Variants in TMEM267 observed in about 807,000 individuals in gnomAD.
The protein encoded by TMEM267 is transmembrane protein 267.
In TMEM267, 20 loss-of-function variants were observed where a neutral mutation model predicts 19.3. That is an observed-to-expected ratio of 1.04 (90% CI 0.73 to 1.51). The LOEUF is 1.51. Ranked by LOEUF, TMEM267 falls within the 40% of genes most tolerant of loss-of-function variation. The probability of loss-of-function intolerance (pLI) is 0.00; values close to 1 mark genes in which losing one functional copy is unlikely to be tolerated. For synonymous variants in TMEM267, 88 were observed against 90.3 expected (o/e 0.97, Z 0.15); for missense variants, 242 against 261.9 (o/e 0.92, Z 0.52).
chr5:43,480,063 A>G (rs151324239), intron 1 of TMEM267: 1 of 272,984 alleles, frequency 3.7e-6, no homozygotes, highest in East Asian at 1.4e-4. Context: ...GTCCCTTTCA[A>G]CTAAAAATAA....
chr5:43,479,346 T>A (rs1335706200), intron 1 of TMEM267, among the ~76,000 whole-genome samples: 1 of 152,034 alleles, frequency 6.6e-6, no homozygotes, highest in African/African-American at 2.4e-5. Context: ...CATTACTTTT[T>A]TTCCTTTTTT....
rs1038001704 is a variant in TMEM267 at position 43,483,465 on chromosome 5, C to T, written c.-75+357G>A. ...ACCGGTTAAGGACGGCAATGGGCTC[C>T]TTCGGCACGACTCCCGGAACCCCAC... On this transcript the variant is annotated intron_variant, in intron 1 of 2. Coordinates refer to ENST00000397080, the MANE Select transcript of TMEM267 (RefSeq NM_022483.5). Among the ~76,000 whole-genome samples the T allele has an allele frequency of 1.2e-4, 18 of 152,352 alleles. No individual in the cohort carries two copies. The East Asian group carries it at 3.5e-3, about 29-fold the overall frequency.
At chr5:43,450,992 G>A (rs1467291300) in intron 2 of TMEM267, among the ~76,000 whole-genome samples, 2 of 151,774 alleles carry the variant, frequency 1.3e-5, no homozygotes, top group African/African-American at 4.8e-5. Flanking sequence ...CTGCCACTAT[G>A]CCCGGCTAAT....
In TMEM267 at chr5:43,446,683, C is replaced by T. The variant is rs1344035184; in HGVS notation, c.313-126G>A. On this transcript the variant is annotated intron_variant, in intron 2 of 2. Coordinates refer to ENST00000397080, the MANE Select transcript of TMEM267 (RefSeq NM_022483.5). ...ACATGCAAAAGAAACATGTTCTATG[C>T]CACTTCAGGATACATATACCAAAAT... is the stretch of plus-strand genomic sequence containing the variant. 9 of 552,692 alleles carry T rather than the reference C, an allele frequency of 1.6e-5. No homozygotes were observed. In the East Asian group the frequency reaches 2.1e-4, roughly 13 times the overall value. 34.2% of individuals were successfully genotyped at this position (552,692 alleles called of 1,614,324 possible).
chr5:43,479,845 C>G (rs902604643), intron 1 of TMEM267: 1 of 431,832 alleles, frequency 2.3e-6, no homozygotes, highest in Admixed American at 2.8e-5. Flanking sequence ...TCCAGGTACT[C>G]TCAACCAAGA....
intron 1 of TMEM267, among the ~76,000 whole-genome samples, chr5:43,483,034 CT>C (rs1385243488): frequency 6.6e-6 from 1 of 152,158 alleles, no homozygotes. Context: ...CAGAAACCGC[CT>C]TTATTATGCT....
rs753068208 is a variant in TMEM267, at chr5:43,453,748, C to T, written c.222G>A (p.Lys74=). 1 of 1,614,062 alleles carries T rather than the reference C, an allele frequency of 6.2e-7. No individual in the cohort carries two copies. Among genetic ancestry groups the T allele is most frequent in the South Asian group, 1.1e-5 (1 of 91,068 alleles). The change falls in exon 2 of 3, where the codon AAG becomes AAA. Residue 74 remains lysine (K), a synonymous_variant. Coordinates refer to ENST00000397080, the MANE Select transcript of TMEM267 (RefSeq NM_022483.5). The part of the protein sequence containing the change: ...SWAVVTGIKK[K]TDFGEIILAG... ...CTAAAATGATTTCTCCAAAGTCAGT[C>T]TTCTTCTTGATTCCAGTGACTACCG... is the stretch of plus-strand genomic sequence containing the variant.
At chr5:43,454,168 CAT>C (rs1346153272) in intron 1 of TMEM267, 125 bp from the exon 2 acceptor site, 1 of 485,636 alleles carries the variant, frequency 2.1e-6, no homozygotes, top group African/African-American at 2.0e-5. Context: ...GCAACTTTTA[CAT>C]GTTATATATA....
intron 1 of TMEM267, among the ~76,000 whole-genome samples, chr5:43,474,984 C>T (rs1397564780): frequency 6.6e-6 from 1 of 152,128 alleles, no homozygotes; most frequent in Admixed American, 6.5e-5. Context: ...CCTCAAGGAT[C>T]TAGAACTAGA....
At chr5:43,456,438 T>C (rs914319607) in intron 1 of TMEM267, among the ~76,000 whole-genome samples, 9 of 149,922 alleles carry the variant, frequency 6.0e-5, no homozygotes, top group Admixed American at 6.0e-4. Context: ...GTTGAACTTA[T>C]CAAAATTAAA....
intron 1 of TMEM267, among the ~76,000 whole-genome samples, chr5:43,465,941 A>T (rs1035527053): frequency 3.4e-5 from 5 of 148,694 alleles, no homozygotes; most frequent in South Asian, 4.2e-4. Context: ...GTACCCTAAA[A>T]CTTAAAGTAT....
chr5:43,454,807 T>C (rs950022029), intron 1 of TMEM267, among the ~76,000 whole-genome samples: 5 of 152,188 alleles, frequency 3.3e-5, no homozygotes, highest in Admixed American at 1.3e-4. Context: ...ATAACCTTAA[T>C]TGATATAAAA....
Position 43,453,772 on chromosome 5 carries a change from C to T in TMEM267, c.198G>A (p.Ala66=), listed in dbSNP as rs201366361. The T allele has an allele frequency of 1.6e-4, 252 of 1,614,006 alleles. No individual in the cohort carries two copies. Among genetic ancestry groups the T allele is most frequent in the Admixed American group, 1.8e-4 (11 of 60,002 alleles). Residue 66 remains alanine (A), a synonymous_variant, in exon 2 of 3, where the codon GCG becomes GCA. Coordinates refer to ENST00000397080, the MANE Select transcript of TMEM267 (RefSeq NM_022483.5). ...VHCVIGMWSW[A]VVTGIKKKTD... The stretch of plus-strand genomic sequence containing the variant: ...TCTTCTTCTTGATTCCAGTGACTAC[C>T]GCCCATGACCACATGCCAATTACAC...
chr5:43,450,864 C>T (rs542766264), intron 2 of TMEM267, among the ~76,000 whole-genome samples: 1 of 151,874 alleles, frequency 6.6e-6, no homozygotes, highest in East Asian at 1.9e-4. Flanking sequence ...GACAGAGTTT[C>T]GCTCTTCTTG....
chr5:43,482,119 G>A (rs982994701), intron 1 of TMEM267, among the ~76,000 whole-genome samples: 3 of 152,142 alleles, frequency 2.0e-5, no homozygotes, highest in African/African-American at 7.2e-5. Flanking sequence ...CTGGGATTAC[G>A]GGCGTGAGCC....
intron 1 of TMEM267, among the ~76,000 whole-genome samples, chr5:43,457,193 T>A (rs1456408726): frequency 6.6e-6 from 1 of 152,200 alleles, no homozygotes; most frequent in Non-Finnish European, 1.5e-5. Context: ...AAAAATAACA[T>A]ATCAATATTG....
chr5:43,458,776 A>G (rs974290443), intron 1 of TMEM267, among the ~76,000 whole-genome samples: 3 of 152,166 alleles, frequency 2.0e-5, no homozygotes, highest in African/African-American at 7.2e-5. Flanking sequence ...AAAACAAGAA[A>G]CTATGGAAAT....
intron 1 of TMEM267, among the ~76,000 whole-genome samples, chr5:43,474,759 C>CAAAAAA (rs1175355175): frequency 1.7e-5 from 1 of 57,466 alleles, no homozygotes. Context: ...AACTCTGTCT[C>CAAAAAA]AAAAAAAAAA....
At chr5:43,453,480 T>C (rs1319603112) in intron 2 of TMEM267, among the ~76,000 whole-genome samples, 178 bp downstream of exon 2, 2 of 152,228 alleles carry the variant, frequency 1.3e-5, no homozygotes, top group East Asian at 1.9e-4. Flanking sequence ...GGCAAATAAT[T>C]TGATTAGCAA....
Sources: gnomAD v4.1 joint callset for allele counts (sites outside exome capture counted in the v4.1 genomes callset) on GRCh38, gnomAD v4.1.1 for gene constraint, MANE v1.5 for transcripts, NCBI Gene and HGNC (gene_info 2026-07-23, HGNC 2026-07-21) for gene names.